Variants in FBXO34 observed in about 807,000 individuals in gnomAD.
FBXO34 encodes F-box only protein 34.
Under a neutral mutation model 24.5 loss-of-function variants are expected in FBXO34, and 12 were observed. The ratio of observed to expected loss-of-function variants is 0.49; its 90% CI spans 0.31 to 0.79. The LOEUF is 0.79. Ranked by LOEUF, FBXO34 falls within the 30% of genes least tolerant of loss-of-function variation. FBXO34 has a pLI of 0.04. For synonymous variants in FBXO34, 320 were observed against 311.9 expected, an observed-to-expected ratio of 1.03 and a Z score of -0.27; for missense variants, 823 against 857.7, an observed-to-expected ratio of 0.96 and a Z score of 0.51.
At chr14:55,410,827 C>T in the FBXO34 span, among the ~76,000 whole-genome samples, 7 of 152,324 alleles carry the variant, frequency 4.6e-5, no homozygotes, top group African/African-American at 1.7e-4. Context: ...CATTGACTAT[C>T]ATTGACACTA....
At chr14:55,278,846 G>A (rs560809055) in intron 1 of FBXO34, among the ~76,000 whole-genome samples, 275 of 152,178 alleles carry the variant, frequency 1.8e-3, no homozygotes, top group Non-Finnish European at 3.2e-3. Flanking sequence ...ACCACCACAC[G>A]CAGCTAATTT....
the FBXO34 span, chr14:55,411,973 G>A: frequency 1.4e-6 from 1 of 702,276 alleles, no homozygotes; most frequent in Non-Finnish European, 2.3e-6. Flanking sequence ...GGGCACTGTT[G>A]TTTTTCCGGT....
chr14:55,305,384 C>T (rs1318055846), intron 1 of FBXO34, among the ~76,000 whole-genome samples: 1 of 148,670 alleles, frequency 6.7e-6, no homozygotes, highest in Non-Finnish European at 1.5e-5. Context: ...CACTGCACTC[C>T]AGCCTGGTGA....
At chr14:55,299,133 C>A in intron 1 of FBXO34, 1 of 1,247,408 alleles carries the variant, frequency 8.0e-7, no homozygotes, top group Non-Finnish European at 1.2e-6. Context: ...ACAGGAGGAA[C>A]CAGACAAGAA....
chr14:55,292,505 G>A (rs781672333), intron 1 of FBXO34, among the ~76,000 whole-genome samples: 2 of 152,054 alleles, frequency 1.3e-5, no homozygotes, highest in African/African-American at 2.4e-5. Flanking sequence ...GACTACAGGC[G>A]TGTACCACCA....
downstream of FBXO34, chr14:55,368,447 T>TA (rs2140112590): frequency 6.6e-6 from 1 of 152,370 alleles, no homozygotes; most frequent in Admixed American, 6.5e-5. Flanking sequence ...CTCAAACTCC[T>TA]GACCTCAAGT....
At chr14:55,308,104 G>C (rs1239275001) in intron 1 of FBXO34, among the ~76,000 whole-genome samples, 1 of 152,186 alleles carries the variant, frequency 6.6e-6, no homozygotes, top group Non-Finnish European at 1.5e-5. Flanking sequence ...GAGTGACTTT[G>C]CACCTCATTC....
the FBXO34 span, among the ~76,000 whole-genome samples, chr14:55,402,341 G>C: frequency 6.6e-6 from 1 of 151,812 alleles, no homozygotes; most frequent in African/African-American, 2.4e-5. Context: ...TTTAAGAAAG[G>C]CAAAAAATAG....
the FBXO34 span, chr14:55,386,054 A>T: frequency 1.9e-6 from 3 of 1,612,960 alleles, no homozygotes; most frequent in Non-Finnish European, 2.5e-6. Flanking sequence ...TCGACTGTAA[A>T]GCTTCTGATT....
the FBXO34 span, among the ~76,000 whole-genome samples, chr14:55,386,860 G>C: frequency 6.6e-6 from 1 of 152,158 alleles, no homozygotes; most frequent in Non-Finnish European, 1.5e-5. Context: ...CTCTCAGACA[G>C]ATATCTAGGA....
At chr14:55,302,051 C>T (rs1364046533) in intron 1 of FBXO34, among the ~76,000 whole-genome samples, 1 of 152,160 alleles carries the variant, frequency 6.6e-6, no homozygotes, top group East Asian at 1.9e-4. Context: ...AGGAGACTCT[C>T]CAAAAGATGC....
At chr14:55,427,822 T>A in the FBXO34 span, among the ~76,000 whole-genome samples, 5 of 139,634 alleles carry the variant, frequency 3.6e-5, no homozygotes, top group Non-Finnish European at 7.6e-5. Context: ...TGTTGCGGGC[T>A]GCAGCTATAT....
the FBXO34 span, among the ~76,000 whole-genome samples, chr14:55,393,150 G>C: frequency 6.6e-6 from 1 of 152,170 alleles, no homozygotes; most frequent in Non-Finnish European, 1.5e-5. Context: ...GGGAGGCCAA[G>C]GTGGGCGGAT....
Position 55,334,517 on chromosome 14 carries a change from T to C in FBXO34, c.-10-15864T>C, listed in dbSNP as rs527843714. Among the ~76,000 whole-genome samples, 8 of 140,104 alleles carry C rather than the reference T, an allele frequency of 5.7e-5. No homozygotes were observed. The East Asian group carries it at 1.5e-3, about 25-fold the overall frequency. 91.9% of individuals were successfully genotyped at this position (140,104 alleles called of 152,430 possible). ...AACGGAGGCATGTAGTTAGTAGCCATTGGGTAATATTGATGGGGTGGGGGT... is the reference window on the plus strand; with the variant it reads ...AACGGAGGCATGTAGTTAGTAGCCACTGGGTAATATTGATGGGGTGGGGGT... On this transcript the variant is annotated intron_variant, in intron 1 of 1. Coordinates refer to ENST00000313833, the MANE Select transcript of FBXO34 (RefSeq NM_017943.4).
chr14:55,300,494 C>G (rs904344561), intron 1 of FBXO34, among the ~76,000 whole-genome samples: 9 of 152,190 alleles, frequency 5.9e-5, no homozygotes, highest in Non-Finnish European at 1.2e-4. Flanking sequence ...ACTCGGGAGG[C>G]TGAGGCAGAA....
chr14:55,323,958 A>G (rs1004497582), intron 1 of FBXO34, among the ~76,000 whole-genome samples: 1 of 152,204 alleles, frequency 6.6e-6, no homozygotes, highest in African/African-American at 2.4e-5. Context: ...TTGAAAGTGT[A>G]CAGTTCACTG....
chr14:55,372,876 C>A (rs1184344125), downstream of FBXO34, among the ~76,000 whole-genome samples: 1 of 152,136 alleles, frequency 6.6e-6, no homozygotes. Context: ...GTGGAGAAAC[C>A]CACCTGGCAC....
At chr14:55,295,481 A>G (rs1056126608) in intron 1 of FBXO34, among the ~76,000 whole-genome samples, 1 of 132,290 alleles carries the variant, frequency 7.6e-6, no homozygotes, top group Non-Finnish European at 1.5e-5. Context: ...TGCATCTTCT[A>G]CCTTCTGGGC....
chr14:55,440,264 A>G, the FBXO34 span: 4 of 1,152,650 alleles, frequency 3.5e-6, no homozygotes, highest in African/African-American at 1.6e-5. Context: ...CTAACCTTCA[A>G]CTTAATGACT....
Sources: allele counts gnomAD v4.1 joint callset (sites outside exome capture counted in the v4.1 genomes callset), GRCh38; gene constraint gnomAD v4.1.1; transcripts MANE v1.5; gene names NCBI Gene and HGNC (gene_info 2026-07-23, HGNC 2026-07-21).